The following DLGAP1 variants were observed in gnomAD, a reference collection of about 807,000 sequenced individuals.
DLGAP1 encodes DLG associated protein 1, also known as disks large-associated protein 1.
DLGAP1 carries 11 observed loss-of-function variants against 90.8 expected under a neutral mutation model. The observed-to-expected ratio is 0.12, with a 90% confidence interval of 0.08 to 0.20. The LOEUF (loss-of-function observed/expected upper bound fraction) is 0.20, where lower values mean the gene tolerates loss of function less well. Among genes scored for constraint, DLGAP1 ranks in the 10% least tolerant of loss-of-function variants. The pLI is 1.00. For missense variants in DLGAP1, 1,050 were observed against 1,333.8 expected (o/e 0.79, Z 3.31); for synonymous variants, 558 against 540.7 (o/e 1.03, Z -0.44).
chr18:4,174,216 G>T (rs1199642774), intron 1 of DLGAP1, among the ~76,000 whole-genome samples: 1 of 152,248 alleles, frequency 6.6e-6, no homozygotes, highest in African/African-American at 2.4e-5. Context: ...CAACCCAGAG[G>T]CCCAAGAAGG....
intron 8 of DLGAP1, 49 bp from the exon 9 acceptor site, chr18:3,567,630 C>A: frequency 6.6e-7 from 1 of 1,510,900 alleles, no homozygotes; most frequent in Non-Finnish European, 9.1e-7. Flanking sequence ...AGTCATCTTG[C>A]TTGAAAAACA....
chr18:3,669,549 G>A (rs2060006926), intron 7 of DLGAP1, among the ~76,000 whole-genome samples: 1 of 152,192 alleles, frequency 6.6e-6, no homozygotes, highest in South Asian at 2.1e-4. Context: ...GCATGTCTGC[G>A]GAAGAGCACA....
chr18:3,619,742 C>CTTTTTTTT (rs10625913), intron 7 of DLGAP1, among the ~76,000 whole-genome samples: 1 of 112,424 alleles, frequency 8.9e-6, no homozygotes, highest in Non-Finnish European at 1.7e-5. Context: ...TAGTTTTTTC[C>CTTTTTTTT]TTTTTTTTTT....
At chr18:3,502,743 G>A in intron 11 of DLGAP1, 98 bp from the exon 12 acceptor site, 1 of 1,359,784 alleles carries the variant, frequency 7.4e-7, no homozygotes. Context: ...AACATAAGGA[G>A]GACTAGTTCC....
intron 3 of DLGAP1, among the ~76,000 whole-genome samples, chr18:3,990,469 C>T (rs2073939911): frequency 7.6e-6 from 1 of 131,716 alleles, no homozygotes; most frequent in Non-Finnish European, 1.6e-5. Flanking sequence ...GAACATCACA[C>T]TCTGGGGACT....
intron 7 of DLGAP1, among the ~76,000 whole-genome samples, chr18:3,696,926 A>G (rs11876269): frequency 0.28 from 42,554 of 151,946 alleles, 6,997 homozygotes; most frequent in East Asian, 0.46. Flanking sequence ...TAGTCTTGGG[A>G]GGATGTATGT....
At chr18:4,276,169 GA>G (rs1489880906) in intron 1 of DLGAP1, among the ~76,000 whole-genome samples, 18 of 144,572 alleles carry the variant, frequency 1.2e-4, no homozygotes, top group Non-Finnish European at 2.4e-4. Flanking sequence ...GAGGGGGCTT[GA>G]TTTTTTTTTT....
At position 4,382,951 on chromosome 18, in the gene DLGAP1, T is replaced by G. The variant is rs112259753; in HGVS notation, c.-267+72055A>C. Among the ~76,000 whole-genome samples, 569 of 152,286 alleles carry G rather than the reference T, an allele frequency of 3.7e-3. 3 individuals carry two copies. The highest frequency in any genetic ancestry group is 0.013 in the African/African-American group (549 of 41,566). On this transcript the variant is annotated intron_variant, in intron 1 of 12. Coordinates refer to ENST00000315677, the MANE Select transcript of DLGAP1 (RefSeq NM_004746.4). ...TTGAAAGCCAGGGCAACTAAGAACCTTGGAAACCAAAGAATGTATATAGGG... is the reference window on the plus strand; with the variant it reads ...TTGAAAGCCAGGGCAACTAAGAACCGTGGAAACCAAAGAATGTATATAGGG...
chr18:4,012,960 C>T (rs2074454005), intron 2 of DLGAP1, among the ~76,000 whole-genome samples: 1 of 152,198 alleles, frequency 6.6e-6, no homozygotes, highest in African/African-American at 2.4e-5. Context: ...CTGCCTCGTC[C>T]TCCCAAAGTC....
At chr18:3,511,608 T>A (rs2050551162) in intron 10 of DLGAP1, among the ~76,000 whole-genome samples, 1 of 151,728 alleles carries the variant, frequency 6.6e-6, no homozygotes, top group Non-Finnish European at 1.5e-5. Context: ...CATCTGTGAG[T>A]TAAACCAATG....
chr18:3,731,137 T>C (rs1236778002), intron 6 of DLGAP1, among the ~76,000 whole-genome samples: 1 of 152,146 alleles, frequency 6.6e-6, no homozygotes, highest in Non-Finnish European at 1.5e-5. Flanking sequence ...TATATATGTG[T>C]GTATGTCTAT....
chr18:4,002,533 T>C (rs2074214841), intron 3 of DLGAP1, among the ~76,000 whole-genome samples: 1 of 93,780 alleles, frequency 1.1e-5, no homozygotes, highest in South Asian at 3.0e-4. Flanking sequence ...CTCTTGCTTA[T>C]GATTTTCTTA....
At chr18:4,012,043 T>C (rs1417754447) in intron 2 of DLGAP1, among the ~76,000 whole-genome samples, 2 of 151,884 alleles carry the variant, frequency 1.3e-5, no homozygotes, top group Admixed American at 6.6e-5. Context: ...TGGGCATCCA[T>C]CTCTCCCTTT....
At chr18:4,408,114 A>G (rs1567898183) in intron 1 of DLGAP1, among the ~76,000 whole-genome samples, 1 of 152,084 alleles carries the variant, frequency 6.6e-6, no homozygotes, top group Non-Finnish European at 1.5e-5. Context: ...GGAAAGAAGA[A>G]AAAAAGAACA....
chr18:3,619,031 C>T (rs991087712), intron 7 of DLGAP1, among the ~76,000 whole-genome samples: 8 of 152,074 alleles, frequency 5.3e-5, no homozygotes, highest in African/African-American at 1.2e-4. Flanking sequence ...GACAGCAGGA[C>T]CTACGTGCAT....
chr18:3,975,152 A>C (rs950225722), intron 3 of DLGAP1, among the ~76,000 whole-genome samples: 1 of 152,176 alleles, frequency 6.6e-6, no homozygotes, highest in Non-Finnish European at 1.5e-5. Context: ...TGTACACTCA[A>C]AGAAAGTAAG....
chr18:4,186,820 A>G (rs1339178657), intron 1 of DLGAP1, among the ~76,000 whole-genome samples: 1 of 152,146 alleles, frequency 6.6e-6, no homozygotes, highest in Non-Finnish European at 1.5e-5. Flanking sequence ...TGGTAGTTTA[A>G]TAGGAATAGT....
intron 7 of DLGAP1, among the ~76,000 whole-genome samples, chr18:3,626,519 G>T (rs565222642): frequency 5.4e-4 from 81 of 150,306 alleles, no homozygotes; most frequent in Non-Finnish European, 8.9e-4. Flanking sequence ...ACTTGAATGT[G>T]GGGGGTCAAG....
intron 5 of DLGAP1, among the ~76,000 whole-genome samples, chr18:3,753,534 G>A (rs541363559): frequency 1.8e-4 from 27 of 152,238 alleles, no homozygotes; most frequent in Non-Finnish European, 3.4e-4. Context: ...AAAGACCTAG[G>A]GAACTTGAAA....
Sources: allele counts gnomAD v4.1 joint callset (sites outside exome capture counted in the v4.1 genomes callset), GRCh38; gene constraint gnomAD v4.1.1; transcripts MANE v1.5; gene names NCBI Gene and HGNC (gene_info 2026-07-23, HGNC 2026-07-21).